The following NCOA7 variants were observed in gnomAD, a reference collection of about 807,000 sequenced individuals.
NCOA7 encodes 140 kDa estrogen receptor-associated protein.
Under a neutral mutation model 104.3 loss-of-function variants are expected in NCOA7, and 45 were observed. The observed-to-expected ratio is 0.43, with a 90% confidence interval of 0.34 to 0.55. NCOA7 has a LOEUF of 0.55. Among genes scored for constraint, NCOA7 ranks in the 20% least tolerant of loss-of-function variants. The probability of loss-of-function intolerance (pLI) is 0.02; values close to 1 mark genes in which losing one functional copy is unlikely to be tolerated. For missense variants in NCOA7, 1,041 were observed against 1,119.7 expected, an observed-to-expected ratio of 0.93 and a Z score of 1.00; for synonymous variants, 398 against 402.3, an observed-to-expected ratio of 0.99 and a Z score of 0.13.
At chr6:125,783,314 G>A (rs1394910376) in intron 1 of NCOA7, among the ~76,000 whole-genome samples, 1 of 152,196 alleles carries the variant, frequency 6.6e-6, no homozygotes, top group South Asian at 2.1e-4. Flanking sequence ...AATATCAATG[G>A]TGGAAGTGAT....
At chr6:125,909,495 A>G (rs1310918963) in intron 10 of NCOA7, among the ~76,000 whole-genome samples, 1 of 152,158 alleles carries the variant, frequency 6.6e-6, no homozygotes, top group Non-Finnish European at 1.5e-5. Flanking sequence ...GAGAACACAC[A>G]CAATATAGGG....
chr6:125,894,879 G>A (rs1322757), intron 10 of NCOA7, among the ~76,000 whole-genome samples: 103,732 of 151,808 alleles, frequency 0.68, 35,535 homozygotes, highest in East Asian at 0.77. Context: ...ATAATTATTT[G>A]GTGCATACTT....
Position 125,825,174 on chromosome 6 carries a change from C to CAAAAAAAAAA in NCOA7, c.50+9780_50+9789dup, listed in dbSNP as rs60707053. On this transcript the variant is annotated intron_variant, in intron 2 of 15. Transcript: ENST00000392477. Reference sequence around the variant, plus strand: ...GCAACATGGTGAGACCCTGTCTCTACAAAAAAAAAAAAAAAAAAAGCCAGA... The same window carrying CAAAAAAAAAA: ...GCAACATGGTGAGACCCTGTCTCTACAAAAAAAAAAAAAAAAAAAAAAAAAAAAAGCCAGA... 3.7e-5 allele frequency among the ~76,000 whole-genome samples: 2 copies of CAAAAAAAAAA among 54,102 alleles called. 1 individual carries two copies. Among genetic ancestry groups the CAAAAAAAAAA allele is most frequent in the African/African-American group, 1.2e-4 (2 of 16,086 alleles). 35.5% of individuals were successfully genotyped at this position (54,102 alleles called of 152,430 possible). A position where few individuals can be genotyped will look rare whatever the true frequency, so the allele number is the denominator to read the frequency against.
At chr6:125,843,558 T>C (rs55692424) in intron 2 of NCOA7, among the ~76,000 whole-genome samples, 5,469 of 152,292 alleles carry the variant, frequency 0.036, 323 homozygotes, top group African/African-American at 0.12. Context: ...TTCTTTAAAT[T>C]TCTCTTTGCC....
rs1291965458 is a variant in NCOA7 at position 125,889,547 on chromosome 6, A to G, written c.1493A>G (p.Lys498Arg). ...EKQDIMPEVD[K>R]QSGSPESRVE... ...CAAGATATAATGCCAGAAGTGGACA[A>G]GCAGTCTGGTTCGCCAGAAAGCCGA... Residue 498 changes from lysine (K) to arginine (R), a missense_variant, in exon 9 of 16, where the codon AAG (lysine) becomes AGG (arginine). Transcript: ENST00000392477. 1.2e-6 allele frequency: 2 copies of G among 1,614,080 alleles called. No individual in the cohort carries two copies. Among genetic ancestry groups the G allele is most frequent in the Non-Finnish European group, 1.7e-6 (2 of 1,179,966 alleles).
At chr6:125,848,878 T>C (rs1391917247) in intron 2 of NCOA7, among the ~76,000 whole-genome samples, 2 of 152,192 alleles carry the variant, frequency 1.3e-5, no homozygotes, top group Non-Finnish European at 2.9e-5. Context: ...GGAGTTCATT[T>C]TGGAGACCAT....
At chr6:125,880,250 C>T (rs1056653573) in intron 5 of NCOA7, among the ~76,000 whole-genome samples, 2 of 152,106 alleles carry the variant, frequency 1.3e-5, no homozygotes, top group African/African-American at 4.8e-5. Context: ...TAAGGACCTA[C>T]TGCTTTAGAA....
At chr6:125,858,309 G>C (rs1319939256) in intron 3 of NCOA7, among the ~76,000 whole-genome samples, 1 of 152,044 alleles carries the variant, frequency 6.6e-6, no homozygotes, top group African/African-American at 2.4e-5. Flanking sequence ...TGTAGTCATT[G>C]GGTCAGAAGT....
intron 2 of NCOA7, among the ~76,000 whole-genome samples, chr6:125,833,571 A>T (rs1031363185): frequency 6.8e-6 from 1 of 146,460 alleles, no homozygotes; most frequent in African/African-American, 2.5e-5. Context: ...AGATTCTGTC[A>T]AAAGAAAAGG....
intron 10 of NCOA7, chr6:125,913,752 G>A (rs1204414129): frequency 2.2e-5 from 16 of 721,182 alleles, no homozygotes; most frequent in Non-Finnish European, 2.7e-5. Context: ...ACAACAGCTC[G>A]GAAACACATT....
At chr6:125,861,656 T>A (rs961795091) in intron 3 of NCOA7, among the ~76,000 whole-genome samples, 3 of 152,132 alleles carry the variant, frequency 2.0e-5, no homozygotes, top group Non-Finnish European at 4.4e-5. Flanking sequence ...AGAAGTCAAA[T>A]TAGTGTTTTC....
At chr6:125,784,987 AACACACACACACACACACACACAC>A (rs3084325) in intron 1 of NCOA7, among the ~76,000 whole-genome samples, 6 of 148,300 alleles carry the variant, frequency 4.0e-5, no homozygotes, top group African/African-American at 1.2e-4. Context: ...GTTGCATATA[AACACACACACACACACACACACAC>A]ACACACACAA....
In NCOA7 at chr6:125,885,202, T is replaced by C; in HGVS notation, c.743T>C (p.Met248Thr). The change falls in exon 8 of 16, where the codon ATG (methionine) becomes ACG (threonine). Residue 248 changes from methionine to threonine, a missense_variant. Transcript: ENST00000392477. ...GVMIVTPNNI[M>T]FDPHKSDPLV... The stretch of plus-strand genomic sequence containing the variant: ...ATGATAGTGACTCCTAACAACATCA[T>C]GTTTGACCCTCATAAATCTGATCCT... 6.2e-7 allele frequency: 1 copy of C among 1,614,036 alleles called. No homozygotes were observed. Among genetic ancestry groups the C allele is most frequent in the Non-Finnish European group, 8.5e-7 (1 of 1,179,946 alleles).
intron 1 of NCOA7, among the ~76,000 whole-genome samples, chr6:125,783,719 C>T (rs752234159): frequency 6.6e-6 from 1 of 152,220 alleles, no homozygotes; most frequent in African/African-American, 2.4e-5. Flanking sequence ...GGCCCAGGTA[C>T]AGCCTGTACT....
At chr6:125,879,830 C>G (rs1783676066) in intron 5 of NCOA7, among the ~76,000 whole-genome samples, 1 of 152,100 alleles carries the variant, frequency 6.6e-6, no homozygotes, top group Admixed American at 6.6e-5. Flanking sequence ...AACCCCATCT[C>G]TACTAAAAAT....
chr6:125,928,927 A>G lies in NCOA7; in HGVS notation c.*156A>G. On this transcript the variant is annotated 3_prime_UTR_variant, in exon 16 of 16. Coordinates refer to ENST00000392477, the MANE Select transcript of NCOA7 (RefSeq NM_181782.5). ...CAGAGCATGATCACATTGCAGAAAG[A>G]TTCTGGAAGGTCCATGTAGAGGGCA... The G allele has an allele frequency of 2.5e-6, 2 of 802,322 alleles. No individual in the cohort carries two copies. The highest frequency in any genetic ancestry group is 3.8e-6 in the Non-Finnish European group (2 of 533,024). The allele number at this position is 802,322 out of a possible 1,614,324, so 49.7% of individuals were successfully genotyped here. A position where few individuals can be genotyped will look rare whatever the true frequency, so the allele number is the denominator to read the frequency against.
chr6:125,801,854 T>G (rs1430951549), intron 1 of NCOA7, among the ~76,000 whole-genome samples: 1 of 152,236 alleles, frequency 6.6e-6, no homozygotes, highest in Non-Finnish European at 1.5e-5. Context: ...TATTTCCAAA[T>G]AAGATCACAT....
chr6:125,854,416 A>G (rs1781381255), intron 2 of NCOA7, among the ~76,000 whole-genome samples: 1 of 152,234 alleles, frequency 6.6e-6, no homozygotes, highest in South Asian at 2.1e-4. Flanking sequence ...TCAGTCAGCT[A>G]TCAGTAATCA....
intron 5 of NCOA7, 98 bp from the exon 6 acceptor site, chr6:125,880,992 A>G (rs2295955): frequency 0.2 from 158,505 of 803,884 alleles, 17,354 homozygotes; most frequent in African/African-American, 0.39. Flanking sequence ...GTAATCATGC[A>G]CTGAACATGA....
Sources: gnomAD v4.1 joint callset for allele counts (sites outside exome capture counted in the v4.1 genomes callset) on GRCh38, gnomAD v4.1.1 for gene constraint, MANE v1.5 for transcripts, NCBI Gene and HGNC (gene_info 2026-07-23, HGNC 2026-07-21) for gene names.